SENP1: variants seen among roughly 807,000 people sequenced by gnomAD.
The protein encoded by SENP1 is SUMO specific peptidase 1.
Under a neutral mutation model 93.0 loss-of-function variants are expected in SENP1, and 21 were observed. The ratio of observed to expected loss-of-function variants is 0.23; its 90% CI spans 0.16 to 0.33. The LOEUF is 0.33. Ranked by LOEUF, SENP1 falls within the 10% of genes least tolerant of loss-of-function variation. The pLI is 1.00. For synonymous variants in SENP1, 256 were observed against 259.6 expected, an observed-to-expected ratio of 0.99 and a Z score of 0.13; for missense variants, 591 against 758.7, an observed-to-expected ratio of 0.78 and a Z score of 2.60.
At chr12:48,105,962 GAC>G (rs1218443924) in intron 1 of SENP1, 64 bp downstream of exon 1, 25 of 697,090 alleles carry the variant, frequency 3.6e-5, no homozygotes, top group Non-Finnish European at 5.7e-5. Context: ...GACCGGGTCC[GAC>G]ACAGTCTCCT....
At chr12:48,088,737 C>T (rs890890335) in intron 5 of SENP1, 64 bp downstream of exon 5, 6 of 1,457,808 alleles carry the variant, frequency 4.1e-6, no homozygotes, top group South Asian at 2.5e-5. Context: ...TAACTATCTA[C>T]CTTTTAGTCA....
At chr12:48,103,369 A>G (rs1187013471) in intron 1 of SENP1, among the ~76,000 whole-genome samples, 2 of 152,226 alleles carry the variant, frequency 1.3e-5, no homozygotes, top group Non-Finnish European at 2.9e-5. Context: ...CATTTCAAAC[A>G]TTATACAACT....
intron 4 of SENP1, among the ~76,000 whole-genome samples, chr12:48,092,543 G>A (rs545971534): frequency 5.1e-4 from 77 of 152,256 alleles, no homozygotes; most frequent in African/African-American, 1.7e-3. Flanking sequence ...TTTGATCAGG[G>A]ACTAGATGAG....
chr12:48,084,447 G>GGTTT (rs541356787), intron 5 of SENP1, among the ~76,000 whole-genome samples: 2 of 109,450 alleles, frequency 1.8e-5, no homozygotes, highest in Non-Finnish European at 3.7e-5. Context: ...CTAATTTTGA[G>GGTTT]TTTTTTTTTT....
At chr12:48,063,220 A>G (rs1350861089) in intron 13 of SENP1, among the ~76,000 whole-genome samples, 1 of 152,178 alleles carries the variant, frequency 6.6e-6, no homozygotes, top group Non-Finnish European at 1.5e-5. Flanking sequence ...TTCAATGTCC[A>G]TTTAAAAAAT....
At chr12:48,045,525 G>C (rs1941300587) in intron 17 of SENP1, 141 bp from the exon 18 acceptor site, 1 of 648,390 alleles carries the variant, frequency 1.5e-6, no homozygotes, top group African/African-American at 1.8e-5. Context: ...TTCATTCTTG[G>C]TTACATGTAG....
intron 5 of SENP1, among the ~76,000 whole-genome samples, chr12:48,085,688 A>G (rs556340613): frequency 2.0e-5 from 3 of 148,184 alleles, no homozygotes; most frequent in African/African-American, 7.6e-5. Context: ...TGTTGATGTT[A>G]AATTACAGTC....
intron 13 of SENP1, among the ~76,000 whole-genome samples, chr12:48,053,569 AG>A (rs1380903875): frequency 6.6e-6 from 1 of 151,766 alleles, no homozygotes; most frequent in Non-Finnish European, 1.5e-5. Context: ...GGGTGACTTT[AG>A]TACTTCCCCA....
At chr12:48,083,299 G>C (rs764971015) in intron 6 of SENP1, among the ~76,000 whole-genome samples, 2 of 151,956 alleles carry the variant, frequency 1.3e-5, no homozygotes, top group Non-Finnish European at 2.9e-5. Flanking sequence ...ATCAAAGAGA[G>C]ATACTTTGAT....
chr12:48,101,408 C>A, intron 2 of SENP1, 61 bp downstream of exon 2: 1 of 1,355,376 alleles, frequency 7.4e-7, no homozygotes, highest in South Asian at 1.3e-5. Context: ...AAAACCCATT[C>A]TTTCACTACA....
In SENP1 at chr12:48,074,379, G is replaced by A. The variant is rs752436024; in HGVS notation, c.885C>T (p.His295=). The change falls in exon 8 of 18, where the codon CAC becomes CAT. Residue 295 remains histidine (H), a synonymous_variant. Transcript: ENST00000549518. ...TATCTGGCTGATGTGGAACAGAGTG[G>A]TGATGATGGGGATGATGAAGAGTAC... is the stretch of plus-strand genomic sequence containing the variant. The part of the protein sequence containing the change: ...DSGTLHHPHH[H]HSVPHQPDNL... The A allele has an allele frequency of 2.5e-6, 4 of 1,613,866 alleles. No homozygotes were observed. Among genetic ancestry groups the A allele is most frequent in the Admixed American group, 3.3e-5 (2 of 60,010 alleles).
At chr12:48,063,337 A>G (rs1943082072) in intron 13 of SENP1, among the ~76,000 whole-genome samples, 2 of 152,172 alleles carry the variant, frequency 1.3e-5, no homozygotes, top group South Asian at 4.1e-4. Flanking sequence ...GATTCCTATA[A>G]AGAAATCCCA....
intron 4 of SENP1, among the ~76,000 whole-genome samples, chr12:48,093,661 C>T (rs1223011897): frequency 6.8e-6 from 1 of 146,430 alleles, no homozygotes; most frequent in Non-Finnish European, 1.5e-5. Context: ...TGGAATTGCA[C>T]ATAAGGGACT....
chr12:48,088,076 C>T (rs186489192), intron 5 of SENP1, among the ~76,000 whole-genome samples: 67 of 149,132 alleles, frequency 4.5e-4, no homozygotes, highest in African/African-American at 1.6e-3. Context: ...TTTTCTGAGA[C>T]GAGGTCACTC....
intron 6 of SENP1, 108 bp from the exon 7 acceptor site, chr12:48,074,901 T>C: frequency 1.4e-6 from 1 of 721,694 alleles, no homozygotes; most frequent in Non-Finnish European, 2.3e-6. Flanking sequence ...TCAGGCAGAA[T>C]CCTTAAGATA....
chr12:48,045,457 T>C, intron 17 of SENP1, 73 bp from the exon 18 acceptor site: 1 of 1,277,130 alleles, frequency 7.8e-7, no homozygotes, highest in Non-Finnish European at 1.1e-6. Flanking sequence ...CCCATACTTC[T>C]TTCTTTTGCA....
chr12:48,059,036 C>A (rs1217515260), intron 13 of SENP1, among the ~76,000 whole-genome samples: 1 of 152,118 alleles, frequency 6.6e-6, no homozygotes, highest in African/African-American at 2.4e-5. Flanking sequence ...CTTCTCGTTG[C>A]ACTTAATATT....
intron 4 of SENP1, among the ~76,000 whole-genome samples, chr12:48,094,906 C>G (rs1343390210): frequency 6.6e-6 from 1 of 152,112 alleles, no homozygotes. Flanking sequence ...ATTAACCATT[C>G]AACTGTTCCT....
At chr12:48,096,269 G>T in intron 4 of SENP1, 74 bp downstream of exon 4, 1 of 774,752 alleles carries the variant, frequency 1.3e-6, no homozygotes, top group Non-Finnish European at 2.1e-6. Flanking sequence ...TTTTGGAGAT[G>T]ATAAACATAA....
Sources: gnomAD v4.1 joint callset for allele counts (sites outside exome capture counted in the v4.1 genomes callset) on GRCh38, gnomAD v4.1.1 for gene constraint, MANE v1.5 for transcripts, NCBI Gene and HGNC (gene_info 2026-07-23, HGNC 2026-07-21) for gene names.